The following CDH20 variants were observed in gnomAD, a reference collection of about 807,000 sequenced individuals.
CDH20 encodes cadherin 20.
CDH20 carries 29 observed loss-of-function variants against 74.2 expected under a neutral mutation model. The observed-to-expected ratio is 0.39, with a 90% CI of 0.29 to 0.53. The LOEUF (loss-of-function observed/expected upper bound fraction) is 0.53, where lower values mean the gene tolerates loss of function less well. CDH20 is among the 20% of genes least tolerant of loss of function. CDH20 has a pLI of 0.69. For missense variants in CDH20, 988 were observed against 1,048.3 expected (o/e 0.94, Z 0.79); for synonymous variants, 469 against 405.4 (o/e 1.16, Z -1.88).
chr18:61,552,169 T>C (rs936685620), intron 11 of CDH20, among the ~76,000 whole-genome samples: 10 of 64,470 alleles, frequency 1.6e-4, no homozygotes, highest in Admixed American at 1.2e-3. Flanking sequence ...AATTCTGACT[T>C]CCTGGGTTTT....
chr18:61,541,269 T>A (rs1913026274), intron 9 of CDH20, among the ~76,000 whole-genome samples: 1 of 151,384 alleles, frequency 6.6e-6, no homozygotes, highest in African/African-American at 2.4e-5. Flanking sequence ...TTTTAATAAT[T>A]TTTGTTTTAT....
chr18:61,468,415 G>A (rs1005286998), intron 1 of CDH20, among the ~76,000 whole-genome samples: 1 of 152,116 alleles, frequency 6.6e-6, no homozygotes, highest in Admixed American at 6.5e-5. Context: ...TGTCTGTAGG[G>A]ATGTGTAGGT....
At chr18:61,515,552 G>A (rs1599139922) in intron 6 of CDH20, among the ~76,000 whole-genome samples, 1 of 151,848 alleles carries the variant, frequency 6.6e-6, no homozygotes, top group Admixed American at 6.6e-5. Context: ...ATGATAGACT[G>A]GATTAAGAAA....
chr18:61,465,277 A>C (rs1909922187), intron 1 of CDH20, among the ~76,000 whole-genome samples: 1 of 152,198 alleles, frequency 6.6e-6, no homozygotes, highest in South Asian at 2.1e-4. Flanking sequence ...AAAAAAAGCA[A>C]AGAACAGCAC....
At chr18:61,516,465 A>G (rs928032693) in intron 6 of CDH20, among the ~76,000 whole-genome samples, 1 of 152,198 alleles carries the variant, frequency 6.6e-6, no homozygotes, top group Non-Finnish European at 1.5e-5. Flanking sequence ...AAAGAAGGGA[A>G]TACTTAATCC....
At chr18:61,427,146 T>C (rs1036216500) in intron 1 of CDH20, among the ~76,000 whole-genome samples, 1 of 152,160 alleles carries the variant, frequency 6.6e-6, no homozygotes. Flanking sequence ...AGTATGGGAA[T>C]GTAGATTTCC....
rs1288768242 is a variant in CDH20, at chr18:61,500,414, T to C, written c.573T>C (p.Asp191=). The C allele has an allele frequency of 7.4e-6, 12 of 1,612,828 alleles. No individual in the cohort carries two copies. The African/African-American group carries it at 1.3e-4, about 18-fold the overall frequency. The stretch of plus-strand genomic sequence containing the variant: ...CCGTCATCCAAGTGACAGCCACAGA[T>C]GCAGATGACCCGACCTACGGCAACA... ...GTSVIQVTAT[D]ADDPTYGNSA... is the part of the protein sequence containing the mutation. Residue 191 remains aspartate (D), a synonymous_variant, in exon 4 of 12, where the codon GAT becomes GAC. Coordinates refer to ENST00000262717, the MANE Select transcript of CDH20 (RefSeq NM_031891.4).
chr18:61,357,886 C>T (rs1910544511), intron 1 of CDH20, among the ~76,000 whole-genome samples: 2 of 152,122 alleles, frequency 1.3e-5, no homozygotes, highest in South Asian at 4.1e-4. Context: ...AGTGTAGCCT[C>T]TCTGGCCCTC....
At chr18:61,498,915 T>C (rs555075575) in intron 2 of CDH20, among the ~76,000 whole-genome samples, 128 of 152,302 alleles carry the variant, frequency 8.4e-4, no homozygotes, top group African/African-American at 2.9e-3. Flanking sequence ...GTTCCTGTTT[T>C]CCATACTTAT....
At position 61,429,017 on chromosome 18, in the gene CDH20, C is replaced by T. The variant is rs190392656; in HGVS notation, c.-152-61385C>T. ...GCTTCAGTTAGCCTCCACAGCACCA[C>T]ACCCTGTGACATATCTTAGGGAACA... is the stretch of plus-strand genomic sequence containing the variant. On this transcript the variant is annotated intron_variant, in intron 1 of 11. Transcript: ENST00000262717. Among the ~76,000 whole-genome samples the T allele has an allele frequency of 1.7e-3, 253 of 152,278 alleles. 1 individual carries two copies. Among genetic ancestry groups the T allele is most frequent in the South Asian group, 2.7e-3 (13 of 4,814 alleles).
chr18:61,411,094 G>A (rs180997182), intron 1 of CDH20, among the ~76,000 whole-genome samples: 1 of 152,094 alleles, frequency 6.6e-6, no homozygotes, highest in African/African-American at 2.4e-5. Context: ...CAGCTACTCG[G>A]GGGGCTGAGG....
chr18:61,389,705 C>T (rs1495812), intron 1 of CDH20, among the ~76,000 whole-genome samples: 33,105 of 152,022 alleles, frequency 0.22, 4,318 homozygotes, highest in East Asian at 0.48. Flanking sequence ...GGTTATTGCC[C>T]ATGCAAAAAC....
At chr18:61,448,970 G>T (rs889402731) in intron 1 of CDH20, among the ~76,000 whole-genome samples, 8 of 152,150 alleles carry the variant, frequency 5.3e-5, no homozygotes, top group Non-Finnish European at 8.8e-5. Context: ...ACCTTCCCTT[G>T]CTGATGATAT....
intron 1 of CDH20, among the ~76,000 whole-genome samples, chr18:61,458,422 CA>C (rs1337324246): frequency 1.3e-5 from 2 of 152,230 alleles, no homozygotes; most frequent in East Asian, 1.9e-4. Flanking sequence ...AGTTGCCCAT[CA>C]AAAAGGCATC....
At chr18:61,394,943 G>A (rs984825084) in intron 1 of CDH20, among the ~76,000 whole-genome samples, 2 of 151,726 alleles carry the variant, frequency 1.3e-5, no homozygotes, top group Non-Finnish European at 2.9e-5. Flanking sequence ...CCTCCTCCTT[G>A]CCCGAAGAGG....
intron 1 of CDH20, among the ~76,000 whole-genome samples, chr18:61,342,519 A>G (rs996570659): frequency 1.3e-5 from 2 of 152,122 alleles, no homozygotes; most frequent in African/African-American, 4.8e-5. Flanking sequence ...ATCACTACTG[A>G]CATTTTGCCT....
intron 6 of CDH20, among the ~76,000 whole-genome samples, chr18:61,507,947 A>G (rs1302886681): frequency 6.6e-6 from 1 of 152,204 alleles, no homozygotes; most frequent in Non-Finnish European, 1.5e-5. Flanking sequence ...AGTAAGCCAT[A>G]ATATTATTTA....
At chr18:61,450,984 G>T (rs956895802) in intron 1 of CDH20, among the ~76,000 whole-genome samples, 2 of 151,946 alleles carry the variant, frequency 1.3e-5, no homozygotes, top group Admixed American at 6.6e-5. Flanking sequence ...CTTAGAACTT[G>T]CTGGCCCATA....
chr18:61,419,089 G>T (rs1051971778), intron 1 of CDH20, among the ~76,000 whole-genome samples: 1 of 151,992 alleles, frequency 6.6e-6, no homozygotes, highest in African/African-American at 2.4e-5. Flanking sequence ...TTTAAGACAG[G>T]ATCTTGCTCT....
Sources: allele counts gnomAD v4.1 joint callset (sites outside exome capture counted in the v4.1 genomes callset), GRCh38; gene constraint gnomAD v4.1.1; transcripts MANE v1.5; gene names NCBI Gene and HGNC (gene_info 2026-07-23, HGNC 2026-07-21).